PPFIBP1: variants seen among roughly 807,000 people sequenced by gnomAD.
The protein encoded by PPFIBP1 is PPFIB scaffold protein 1.
A neutral mutation model predicts 137.8 loss-of-function variants in PPFIBP1; 112 were observed. The observed-to-expected ratio is 0.81, with a 90% CI of 0.70 to 0.95. The LOEUF (loss-of-function observed/expected upper bound fraction) is 0.95. Among genes scored for constraint, PPFIBP1 ranks in the 40% least tolerant of loss-of-function variants. PPFIBP1 has a pLI of 0.00. For synonymous variants in PPFIBP1, 378 were observed against 417.3 expected, an observed-to-expected ratio of 0.91 and a Z score of 1.15; for missense variants, 1,083 against 1,196.6, an observed-to-expected ratio of 0.91 and a Z score of 1.40.
chr12:27,654,942 T>C (rs1593166655), intron 8 of PPFIBP1, 128 bp downstream of exon 8: 2 of 1,407,552 alleles, frequency 1.4e-6, no homozygotes, highest in African/African-American at 1.4e-5. Context: ...TAAATGAAGA[T>C]TTCCCCCCAA....
In PPFIBP1 at chr12:27,532,547, G is replaced by C. The variant is rs142448989; in HGVS notation, c.-124+8182G>C. Among the ~76,000 whole-genome samples, 1,092 of 151,554 alleles carry C rather than the reference G, an allele frequency of 7.2e-3. 13 individuals carry two copies. The highest frequency in any genetic ancestry group is 0.026 in the African/African-American group (1,052 of 41,242). On this transcript the variant is annotated intron_variant, in intron 1 of 29. Transcript: ENST00000228425. ...TTAAAATTTTAAACATCTATTTATT[G>C]GTCCTTTTGGAGGTTGGTTGGGGAA...
At chr12:27,682,034 A>AG (rs1293257661) in intron 22 of PPFIBP1, among the ~76,000 whole-genome samples, 1 of 17,176 alleles carries the variant, frequency 5.8e-5, no homozygotes, top group Non-Finnish European at 2.1e-4. Context: ...ACTTTGCAAA[A>AG]GAAAAAAAAA....
rs1289018584 is a variant in PPFIBP1, at chr12:27,593,797, G to GC, written c.-36+15558_-36+15559insC. 7.6e-6 allele frequency: 8 copies of GC among 1,050,618 alleles called. No individual in the cohort carries two copies. In the South Asian group the frequency reaches 1.2e-4, roughly 15 times the overall value. The allele number at this position is 1,050,618 out of a possible 1,614,324, so 65.1% of individuals were successfully genotyped here. On this transcript the variant is annotated intron_variant, in intron 2 of 29. Transcript: ENST00000228425. Reference sequence around the variant, plus strand: ...AGGAAGATGTTCAGTTTGCAAAACTGTCTGGTTCGTCCTGAATTTGGTATT... The same window carrying GC: ...AGGAAGATGTTCAGTTTGCAAAACTGCTCTGGTTCGTCCTGAATTTGGTATT...
chr12:27,582,415 A>C (rs1341422720), intron 2 of PPFIBP1, among the ~76,000 whole-genome samples: 2 of 152,096 alleles, frequency 1.3e-5, no homozygotes, highest in African/African-American at 4.8e-5. Flanking sequence ...TGTGTGGTTT[A>C]ATGTTATGGT....
At chr12:27,598,537 T>A (rs2053585392) in intron 2 of PPFIBP1, among the ~76,000 whole-genome samples, 1 of 121,516 alleles carries the variant, frequency 8.2e-6, no homozygotes, top group Non-Finnish European at 1.8e-5. Context: ...TTCTCTATAA[T>A]CTGTGTGTGT....
chr12:27,616,894 A>G (rs1176298186), intron 2 of PPFIBP1, among the ~76,000 whole-genome samples: 8 of 152,178 alleles, frequency 5.3e-5, no homozygotes, highest in Non-Finnish European at 1.2e-4. Context: ...TTTTAGAGAC[A>G]GCCATTATGA....
At chr12:27,550,740 T>C (rs1296217027) in intron 1 of PPFIBP1, among the ~76,000 whole-genome samples, 1 of 152,184 alleles carries the variant, frequency 6.6e-6, no homozygotes, top group African/African-American at 2.4e-5. Flanking sequence ...TCACAGAGCC[T>C]CGATTCTACC....
intron 1 of PPFIBP1, among the ~76,000 whole-genome samples, chr12:27,565,547 T>C (rs2049570126): frequency 6.6e-6 from 1 of 152,186 alleles, no homozygotes; most frequent in African/African-American, 2.4e-5. Context: ...TTCCTTCCTG[T>C]CTCACATGTC....
chr12:27,543,159 C>T (rs1259861812), intron 1 of PPFIBP1, among the ~76,000 whole-genome samples: 1 of 151,976 alleles, frequency 6.6e-6, no homozygotes, highest in Non-Finnish European at 1.5e-5. Flanking sequence ...TCATTTTTGC[C>T]TGAAGAATTT....
Position 27,651,543 on chromosome 12 carries a change from C to A in PPFIBP1, c.603+1402C>A, listed in dbSNP as rs560907587. ...TTGGTTTTGTATTTTCTCTAAAAATCTCTTTGATATTTTCCTCTTTCCCCT... is the reference window on the plus strand; with the variant it reads ...TTGGTTTTGTATTTTCTCTAAAAATATCTTTGATATTTTCCTCTTTCCCCT... On this transcript the variant is annotated intron_variant, in intron 7 of 29. Transcript: ENST00000228425. Among the ~76,000 whole-genome samples the A allele has an allele frequency of 9.9e-5, 15 of 152,278 alleles. No individual in the cohort carries two copies. The South Asian group carries it at 1.0e-3, about 11-fold the overall frequency.
chr12:27,593,271 T>G (rs1262242456), intron 2 of PPFIBP1: 3 of 258,136 alleles, frequency 1.2e-5, no homozygotes, highest in Non-Finnish European at 2.3e-5. Context: ...CCCTGACTCC[T>G]TTCTTCGTTG....
At chr12:27,576,016 G>A (rs1276587648) in intron 1 of PPFIBP1, among the ~76,000 whole-genome samples, 1 of 152,124 alleles carries the variant, frequency 6.6e-6, no homozygotes, top group Non-Finnish European at 1.5e-5. Context: ...GTCCTGGTTA[G>A]GCCAAATAAT....
chr12:27,656,511 G>A lies in PPFIBP1; in HGVS notation c.697-105G>A. ...CTTGCATCTAAATTCTAGTAGATTT[G>A]TTTCATTCATAAAACCTGATTATTG... On this transcript the variant is annotated intron_variant, in intron 8 of 29. Transcript: ENST00000228425. The A allele has an allele frequency of 4.1e-6, 3 of 727,386 alleles. No homozygotes were observed. In the South Asian group the frequency reaches 4.8e-5, roughly 12 times the overall value. The allele number at this position is 727,386 out of a possible 1,614,324, so 45.1% of individuals were successfully genotyped here.
intron 2 of PPFIBP1, among the ~76,000 whole-genome samples, chr12:27,597,207 G>A (rs536490282): frequency 1.2e-4 from 19 of 152,138 alleles, no homozygotes; most frequent in South Asian, 1.0e-3. Flanking sequence ...TCGTTCTGTC[G>A]CCCAGGCTGG....
At chr12:27,655,894 G>C (rs1468819308) in intron 8 of PPFIBP1, among the ~76,000 whole-genome samples, 2 of 152,188 alleles carry the variant, frequency 1.3e-5, no homozygotes, top group African/African-American at 4.8e-5. Flanking sequence ...GTTAAGTACA[G>C]CCAGCAAAAT....
chr12:27,625,914 G>T (rs1164889478), intron 2 of PPFIBP1, among the ~76,000 whole-genome samples: 2 of 152,014 alleles, frequency 1.3e-5, no homozygotes, highest in Admixed American at 1.3e-4. Flanking sequence ...CCTCAGGAGG[G>T]GCTAAGGTGG....
At chr12:27,525,357 A>G (rs190326146) in intron 1 of PPFIBP1, among the ~76,000 whole-genome samples, 22 of 152,070 alleles carry the variant, frequency 1.4e-4, no homozygotes, top group Admixed American at 1.3e-3. Context: ...TTTATTTCCT[A>G]TTTCAAACCC....
At chr12:27,558,721 G>C (rs1026241829) in intron 1 of PPFIBP1, among the ~76,000 whole-genome samples, 1 of 152,104 alleles carries the variant, frequency 6.6e-6, no homozygotes, top group African/African-American at 2.4e-5. Context: ...TAAATGCACT[G>C]TAGGGCCCCA....
intron 7 of PPFIBP1, among the ~76,000 whole-genome samples, chr12:27,654,002 T>C (rs561883126): frequency 9.2e-5 from 14 of 152,318 alleles, no homozygotes; most frequent in African/African-American, 3.4e-4. Flanking sequence ...TTCAACACTA[T>C]TGCTAAAATG....
Sources: gnomAD v4.1 joint callset for allele counts (sites outside exome capture counted in the v4.1 genomes callset) on GRCh38, gnomAD v4.1.1 for gene constraint, MANE v1.5 for transcripts, NCBI Gene and HGNC (gene_info 2026-07-23, HGNC 2026-07-21) for gene names.